Variants in SYNM observed in about 807,000 individuals in gnomAD.
The protein encoded by SYNM is synemin.
SYNM carries 95 observed loss-of-function variants against 104.0 expected under a neutral mutation model. That is an observed-to-expected ratio of 0.91 (90% CI 0.77 to 1.08). The LOEUF (loss-of-function observed/expected upper bound fraction) is 1.08. Ranked by LOEUF, SYNM falls within the 50% of genes least tolerant of loss-of-function variation. The probability of loss-of-function intolerance (pLI) is 0.00; values close to 1 mark genes in which losing one functional copy is unlikely to be tolerated. For missense variants in SYNM, 2,150 were observed against 2,052.2 expected, an observed-to-expected ratio of 1.05 and a Z score of -0.92; for synonymous variants, 918 against 869.0, an observed-to-expected ratio of 1.06 and a Z score of -0.99.
intron 2 of SYNM, among the ~76,000 whole-genome samples, chr15:99,123,985 G>A (rs2067425307): frequency 6.6e-6 from 1 of 152,240 alleles, no homozygotes; most frequent in African/African-American, 2.4e-5. Context: ...CTGCACTGTG[G>A]GTTTGTCCTG....
At chr15:99,120,439 T>A (rs1670233) in intron 2 of SYNM, among the ~76,000 whole-genome samples, 116,651 of 152,104 alleles carry the variant, frequency 0.77, 45,035 homozygotes, top group African/African-American at 0.86. Context: ...CTGAGGACTG[T>A]GCTAGTGTGG....
At chr15:99,135,609 G>C (rs1229277203), downstream of SYNM, 1 of 152,606 alleles carries the variant, frequency 6.6e-6, no homozygotes, top group Non-Finnish European at 1.5e-5. Context: ...TTCCTAAAGA[G>C]AATGAATATT....
chr15:99,130,641 CCGG>C lies in SYNM; in HGVS notation c.2282_2284del (p.Pro761_Glu762delinsGln). The C allele has an allele frequency of 6.2e-7, 1 of 1,613,482 alleles. No homozygotes were observed. Among genetic ancestry groups the C allele is most frequent in the East Asian group, 2.2e-5 (1 of 44,868 alleles). On this transcript the variant is annotated inframe_deletion, in exon 4 of 4. Coordinates refer to ENST00000336292, the MANE Select transcript of SYNM (RefSeq NM_145728.3). ...CGTGAGTTATGTCAGCGGGGAGAAG[CCGG>C]AGGAGTTTTCCGTCCCATTCAAAGT... is the stretch of plus-strand genomic sequence containing the variant.
At chr15:99,118,227 A>G (rs1363262176) in intron 2 of SYNM, among the ~76,000 whole-genome samples, 1 of 152,192 alleles carries the variant, frequency 6.6e-6, no homozygotes, top group African/African-American at 2.4e-5. Context: ...GAAAATCACC[A>G]GTGCATGTCT....
chr15:99,130,559 C>T lies in SYNM; in HGVS notation c.2199C>T (p.Gly733=), dbSNP rs1555485628. The T allele has an allele frequency of 6.2e-7, 1 of 1,613,666 alleles. No homozygotes were observed. The highest frequency in any genetic ancestry group is 1.1e-5 in the South Asian group (1 of 91,000). ...TGATAGGAGACATCATCAACCTCGG[C>T]CTGAAAGGGAGGGAGGGGAGAGCAA... is the stretch of plus-strand genomic sequence containing the variant. The part of the protein sequence containing the change: ...EQMIGDIINL[G]LKGREGRAKV... The change falls in exon 4 of 4, where the codon GGC becomes GGT. Residue 733 remains glycine (G), a synonymous_variant. Coordinates refer to ENST00000336292, the MANE Select transcript of SYNM (RefSeq NM_145728.3).
In SYNM at chr15:99,105,866, G is replaced by T; in HGVS notation, c.667G>T (p.Ala223Ser). The T allele has an allele frequency of 1.9e-6, 3 of 1,542,220 alleles. No individual in the cohort carries two copies. The highest frequency in any genetic ancestry group is 2.6e-6 in the Non-Finnish European group (3 of 1,146,538). Residue 223 changes from alanine to serine, a missense_variant, in exon 1 of 4, where the codon GCG (alanine) becomes TCG (serine). Ala to Ser is a moderately conservative substitution (Grantham distance 99). Transcript: ENST00000336292. Reference sequence around the variant, plus strand: ...GCGCGGCCAGGAGAGCAGACTCCAGGCGGAGGAAGAGACGCGGCTGTGCGC... The same window carrying T: ...GCGCGGCCAGGAGAGCAGACTCCAGTCGGAGGAAGAGACGCGGCTGTGCGC... Reference protein sequence around the residue: ...LRRGQESRLQAEEETRLCAQE... With the variant: ...LRRGQESRLQSEEETRLCAQE...
chr15:99,107,335 G>C (rs556955919), intron 1 of SYNM, among the ~76,000 whole-genome samples: 219 of 152,210 alleles, frequency 1.4e-3, no homozygotes, highest in African/African-American at 5.2e-3. Flanking sequence ...TCCTATACTC[G>C]TTGTTGAGTG....
Position 99,105,503 on chromosome 15 carries a change from G to A in SYNM, c.304G>A (p.Glu102Lys). The A allele has an allele frequency of 1.5e-6, 2 of 1,290,506 alleles. No individual in the cohort carries two copies. The highest frequency in any genetic ancestry group is 2.4e-5 in the South Asian group (1 of 41,846). The allele number at this position is 1,290,506 out of a possible 1,614,324, so 79.9% of individuals were successfully genotyped here. ...LRELQRLDAE[E>K]RAARGRLDAE... ...GGAGCTGCAGCGCCTGGATGCGGAGGAGCGCGCCGCCCGCGGCCGCCTGGA... is the reference window on the plus strand; with the variant it reads ...GGAGCTGCAGCGCCTGGATGCGGAGAAGCGCGCCGCCCGCGGCCGCCTGGA... Residue 102 changes from glutamate to lysine, a missense_variant, in exon 1 of 4, where the codon GAG becomes AAG. By Grantham distance (56) the Glu-to-Lys change is moderately conservative. Transcript: ENST00000336292.
chr15:99,110,693 A>G (rs1335334231), intron 1 of SYNM, among the ~76,000 whole-genome samples: 1 of 152,214 alleles, frequency 6.6e-6, no homozygotes, highest in African/African-American at 2.4e-5. Context: ...AATTCTTTTG[A>G]TACTGACAGC....
chr15:99,137,851 G>A (rs112221342), downstream of SYNM: 30 of 1,172,706 alleles, frequency 2.6e-5, 1 homozygote, highest in South Asian at 6.5e-5. Context: ...TGTGGCCCAC[G>A]GGAGGCTTAT....
chr15:99,125,480 C>T (rs1044956876), intron 2 of SYNM, among the ~76,000 whole-genome samples: 5 of 152,258 alleles, frequency 3.3e-5, no homozygotes, highest in Non-Finnish European at 5.9e-5. Context: ...ACAAGCATCC[C>T]GCAGTCACTG....
chr15:99,130,516 G>C lies in SYNM; in HGVS notation c.2156G>C (p.Gly719Ala). The C allele has an allele frequency of 1.2e-6, 2 of 1,613,942 alleles. No individual in the cohort carries two copies. The highest frequency in any genetic ancestry group is 4.5e-5 in the East Asian group (2 of 44,880). Reference sequence around the variant, plus strand: ...GATATTAAGGAAGTGGGGCTGAAAGGCAAGTCAGCCGAGCAGATGATAGGA... The same window carrying C: ...GATATTAAGGAAGTGGGGCTGAAAGCCAAGTCAGCCGAGCAGATGATAGGA... ...SKDIKEVGLK[G>A]KSAEQMIGDI... is the part of the protein sequence containing the mutation. Residue 719 changes from glycine (G) to alanine (A), a missense_variant, in exon 4 of 4, where the codon GGC becomes GCC. Physicochemically the swap from Gly to Ala is moderately conservative, Grantham distance 60. Coordinates refer to ENST00000336292, the MANE Select transcript of SYNM (RefSeq NM_145728.3).
At chr15:99,120,645 G>A (rs1343364934) in intron 2 of SYNM, among the ~76,000 whole-genome samples, 2 of 152,240 alleles carry the variant, frequency 1.3e-5, no homozygotes, top group African/African-American at 2.4e-5. Context: ...ATGGGCTGTA[G>A]ATGAGGCAGC....
At chr15:99,139,375 A>G (rs782532543), downstream of SYNM, 5 of 1,614,136 alleles carry the variant, frequency 3.1e-6, no homozygotes, top group East Asian at 4.5e-5. Context: ...TGCGGTCCAT[A>G]TAAGAGGGTC....
Position 99,129,988 on chromosome 15 carries a change from C to G in SYNM, c.1628C>G (p.Thr543Arg). The G allele has an allele frequency of 1.2e-6, 2 of 1,612,386 alleles. No homozygotes were observed. The highest frequency in any genetic ancestry group is 8.5e-7 in the Non-Finnish European group (1 of 1,179,158). ...AGAAACCTAAGATGGGAAGAATTGA[C>G]AAAGTTAGATAAGGAAGCGAGACAG... Reference protein sequence around the residue: ...EERNLRWEELTKLDKEARQRE... With the variant: ...EERNLRWEELRKLDKEARQRE... The change falls in exon 4 of 4, where the codon ACA becomes AGA. Residue 543 changes from threonine to arginine, a missense_variant. Coordinates refer to ENST00000336292, the MANE Select transcript of SYNM (RefSeq NM_145728.3).
rs782622717 is a variant in SYNM, at chr15:99,130,686, G to A, written c.2326G>A (p.Val776Met). Residue 776 changes from valine to methionine, a missense_variant, in exon 4 of 4, where the codon GTG becomes ATG. By Grantham distance (21) the Val-to-Met change is conservative (BLOSUM62 1). Coordinates refer to ENST00000336292, the MANE Select transcript of SYNM (RefSeq NM_145728.3). Reference protein sequence around the residue: ...VPFKVEEVEDVSPGPWGLVKE... With the variant: ...VPFKVEEVEDMSPGPWGLVKE... ...ATTCAAAGTGGAGGAGGTCGAAGAT[G>A]TGTCGCCAGGCCCCTGGGGGTTGGT... The A allele has an allele frequency of 6.2e-7, 1 of 1,613,944 alleles. No homozygotes were observed. Among genetic ancestry groups the A allele is most frequent in the South Asian group, 1.1e-5 (1 of 91,064 alleles).
chr15:99,109,654 T>C (rs1230652889), intron 1 of SYNM, among the ~76,000 whole-genome samples: 3 of 152,212 alleles, frequency 2.0e-5, no homozygotes, highest in Non-Finnish European at 2.9e-5. Context: ...CCAGGGTGTG[T>C]ACAACTGGTT....
chr15:99,113,607 T>A lies in SYNM; in HGVS notation c.827T>A (p.Leu276Gln). Residue 276 changes from leucine to glutamine, a missense_variant, in exon 2 of 4, where the codon CTG (leucine) becomes CAG (glutamine). Physicochemically the swap from Leu to Gln is moderately radical, Grantham distance 113. Coordinates refer to ENST00000336292, the MANE Select transcript of SYNM (RefSeq NM_145728.3). ...AEERQRVIDC[L>Q]EDEKATLTLA... ...TCTCTTTAGAGAGTGATTGACTGCC[T>A]GGAGGATGAGAAGGCAACCCTCACC... 1 of 1,613,460 alleles carries A rather than the reference T, an allele frequency of 6.2e-7. No individual in the cohort carries two copies. The highest frequency in any genetic ancestry group is 8.5e-7 in the Non-Finnish European group (1 of 1,179,666).
rs1567271981 is a variant in SYNM at position 99,105,700 on chromosome 15, C to T, written c.501C>T (p.Arg167=). The part of the protein sequence containing the change: ...ARAASLTMHF[R]ARATGPAAPP... ...CCGCCAGCCTTACCATGCATTTCCGCGCCCGCGCCACCGGCCCCGCCGCGC... is the reference window on the plus strand; with the variant it reads ...CCGCCAGCCTTACCATGCATTTCCGTGCCCGCGCCACCGGCCCCGCCGCGC... Residue 167 remains arginine (R), a synonymous_variant, in exon 1 of 4, where the codon CGC becomes CGT. Transcript: ENST00000336292. The T allele has an allele frequency of 7.4e-6, 11 of 1,487,438 alleles. No individual in the cohort carries two copies. The highest frequency in any genetic ancestry group is 6.2e-6 in the Non-Finnish European group (7 of 1,124,476). The allele number at this position is 1,487,438 out of a possible 1,614,324, so 92.1% of individuals were successfully genotyped here. A position where few individuals can be genotyped will look rare whatever the true frequency, so the allele number is the denominator to read the frequency against.
Sources: gnomAD v4.1 joint callset for allele counts (sites outside exome capture counted in the v4.1 genomes callset) on GRCh38, gnomAD v4.1.1 for gene constraint, MANE v1.5 for transcripts, NCBI Gene and HGNC (gene_info 2026-07-23, HGNC 2026-07-21) for gene names.